Variants in NCOA4 observed in about 807,000 individuals in gnomAD.
The protein encoded by NCOA4 is 70 kDa AR-activator.
Under a neutral mutation model 69.5 loss-of-function variants are expected in NCOA4, and 31 were observed. The ratio of observed to expected loss-of-function variants is 0.45; its 90% CI spans 0.34 to 0.60. The LOEUF is 0.60. Ranked by LOEUF, NCOA4 falls within the 20% of genes least tolerant of loss-of-function variation. The pLI is 0.02. For missense variants in NCOA4, 600 were observed against 719.2 expected, an observed-to-expected ratio of 0.83 and a Z score of 1.90; for synonymous variants, 228 against 252.4, an observed-to-expected ratio of 0.90 and a Z score of 0.92.
Position 46,009,530 on chromosome 10 carries a change from G to A in NCOA4, c.1720C>T (p.Leu574=), listed in dbSNP as rs1189179719. Residue 574 remains leucine, a synonymous_variant, in exon 9 of 10, where the codon CTA becomes TTA. Coordinates refer to ENST00000581486, the MANE Select transcript of NCOA4 (RefSeq NM_001145263.2). ...GGGGGGAAGTTATGTTCCTCCTGTA[G>A]AGGTGAATTAAGTAATACTTCCTGC... ...KAQEVLLNSP[L]QEEHNFPPDH... 3 of 1,609,412 alleles carry A rather than the reference G, an allele frequency of 1.9e-6. No individual in the cohort carries two copies. In the African/African-American group the frequency reaches 4.0e-5, roughly 22 times the overall value.
rs137856932 is a variant in NCOA4, at chr10:46,029,917, T to C, written c.-15+609A>G. Among the ~76,000 whole-genome samples, 290 of 152,306 alleles carry C rather than the reference T, an allele frequency of 1.9e-3. 1 individual carries two copies. Among genetic ancestry groups the C allele is most frequent in the African/African-American group, 6.8e-3 (282 of 41,568 alleles). ...AATGAACCAATGAATGAGCAAGCCT[T>C]ACTCTTCTCAGCTGTAAAACAGAGA... On this transcript the variant is annotated intron_variant, in intron 1 of 9. Coordinates refer to ENST00000581486, the MANE Select transcript of NCOA4 (RefSeq NM_001145263.2).
At chr10:46,013,341 A>G (rs1383702875) in intron 6 of NCOA4, among the ~76,000 whole-genome samples, 2 of 152,202 alleles carry the variant, frequency 1.3e-5, no homozygotes, top group Non-Finnish European at 2.9e-5. Flanking sequence ...GAACTGATTG[A>G]TAATTACTTT....
intron 1 of NCOA4, among the ~76,000 whole-genome samples, chr10:46,024,524 A>ACAT (rs1430888634): frequency 6.6e-6 from 1 of 152,218 alleles, no homozygotes; most frequent in Non-Finnish European, 1.5e-5. Flanking sequence ...TCACAGTTAT[A>ACAT]TTCATTTGTG....
At chr10:46,028,997 C>T (rs1209172823) in intron 1 of NCOA4, among the ~76,000 whole-genome samples, 3 of 149,268 alleles carry the variant, frequency 2.0e-5, no homozygotes, top group South Asian at 2.1e-4. Flanking sequence ...ACCCCTACAC[C>T]GGATCCTGAG....
At chr10:46,025,144 T>A in intron 1 of NCOA4, among the ~76,000 whole-genome samples, 1 of 152,090 alleles carries the variant, frequency 6.6e-6, no homozygotes, top group East Asian at 1.9e-4. Flanking sequence ...ATGGTGTAAC[T>A]CTCAGTCTGA....
chr10:46,024,220 CAAAAA>C (rs1225480994), intron 1 of NCOA4, among the ~76,000 whole-genome samples: 1 of 151,610 alleles, frequency 6.6e-6, no homozygotes, highest in Admixed American at 6.6e-5. Context: ...CGTAAAGACA[CAAAAA>C]AAACAGACAT....
intron 9 of NCOA4, among the ~76,000 whole-genome samples, chr10:46,007,941 T>C (rs1243820703): frequency 6.6e-6 from 1 of 152,168 alleles, no homozygotes; most frequent in Non-Finnish European, 1.5e-5. Context: ...TTGAGAATTA[T>C]GCTAAATCTA....
At chr10:46,023,495 G>C (rs1840008559) in intron 1 of NCOA4, 1 of 985,450 alleles carries the variant, frequency 1.0e-6, no homozygotes, top group African/African-American at 1.7e-5. Flanking sequence ...CTCAAGCCAA[G>C]GGCGGGGAGG....
intron 1 of NCOA4, among the ~76,000 whole-genome samples, chr10:46,016,976 T>C (rs1247329286): frequency 6.6e-6 from 1 of 152,234 alleles, no homozygotes; most frequent in Non-Finnish European, 1.5e-5. Flanking sequence ...TCAAAGAGCA[T>C]ACAGTGTCCT....
chr10:46,023,184 C>T, intron 1 of NCOA4: 1 of 763,632 alleles, frequency 1.3e-6, no homozygotes, highest in Non-Finnish European at 1.6e-6. Flanking sequence ...TCCAAGCGGC[C>T]TCAGGAGCCC....
At chr10:46,022,616 C>T (rs1205666213) in intron 1 of NCOA4, 15 of 324,228 alleles carry the variant, frequency 4.6e-5, no homozygotes, top group Non-Finnish European at 8.3e-5. Flanking sequence ...AGGCGCCCGC[C>T]GCCACGCCCG....
chr10:46,014,834 T>C lies in NCOA4; in HGVS notation c.371+20A>G. 1 of 1,595,608 alleles carries C rather than the reference T, an allele frequency of 6.3e-7. No individual in the cohort carries two copies. Among genetic ancestry groups the C allele is most frequent in the Non-Finnish European group, 8.6e-7 (1 of 1,169,432 alleles). On this transcript the variant is annotated intron_variant, in intron 4 of 9. Transcript: ENST00000581486. ...AAAGTTCAAGAGTCAAAAGTTAAAA[T>C]ACGCAAAAAGGGTCATTACCTCTCC...
chr10:46,023,371 G>C (rs1490838399), intron 1 of NCOA4: 2 of 985,538 alleles, frequency 2.0e-6, no homozygotes, highest in Admixed American at 1.2e-4. Flanking sequence ...CCCGGCAAGC[G>C]ACAGGCTGCT....
chr10:46,022,628 C>G, intron 1 of NCOA4: 1 of 326,672 alleles, frequency 3.1e-6, no homozygotes, highest in South Asian at 2.7e-5. Flanking sequence ...CCACGCCCGG[C>G]TAATTTTTTT....
intron 1 of NCOA4, chr10:46,023,377 C>T: frequency 1.0e-6 from 1 of 985,688 alleles, no homozygotes; most frequent in Non-Finnish European, 1.2e-6. Flanking sequence ...AAGCGACAGG[C>T]TGCTTTACCC....
chr10:46,025,020 C>T (rs1840083353), intron 1 of NCOA4, among the ~76,000 whole-genome samples: 1 of 152,190 alleles, frequency 6.6e-6, no homozygotes, highest in Non-Finnish European at 1.5e-5. Context: ...GGAACTGGCT[C>T]ATGTGATTAG....
chr10:46,017,515 C>T (rs934698357), intron 1 of NCOA4, among the ~76,000 whole-genome samples: 1 of 151,884 alleles, frequency 6.6e-6, no homozygotes, highest in African/African-American at 2.4e-5. Context: ...TGCACTCCAC[C>T]CTGGGTAAGA....
At chr10:46,020,672 C>T (rs1439609764) in intron 1 of NCOA4, among the ~76,000 whole-genome samples, 1 of 152,132 alleles carries the variant, frequency 6.6e-6, no homozygotes, top group East Asian at 1.9e-4. Flanking sequence ...TACAGCACAG[C>T]AAAAGGCAAT....
intron 7 of NCOA4, among the ~76,000 whole-genome samples, chr10:46,012,521 T>C (rs1554921946): frequency 1.3e-5 from 2 of 152,056 alleles, no homozygotes; most frequent in African/African-American, 4.8e-5. Flanking sequence ...AATATGTTAA[T>C]GTTATCCTGG....
Sources: allele counts gnomAD v4.1 joint callset (sites outside exome capture counted in the v4.1 genomes callset), GRCh38; gene constraint gnomAD v4.1.1; transcripts MANE v1.5; gene names NCBI Gene and HGNC (gene_info 2026-07-23, HGNC 2026-07-21).